LZTFL1: variants seen among roughly 807,000 people sequenced by gnomAD.
LZTFL1 encodes the protein leucine zipper transcription factor like 1, also known as leucine zipper transcription factor-like protein 1.
Under a neutral mutation model 45.9 loss-of-function variants are expected in LZTFL1, and 25 were observed. The observed-to-expected ratio is 0.54, with a 90% CI of 0.40 to 0.76. LZTFL1 has a LOEUF of 0.76. Ranked by LOEUF, LZTFL1 falls within the 30% of genes least tolerant of loss-of-function variation. The pLI is 0.00. For synonymous variants in LZTFL1, 93 were observed against 117.4 expected (o/e 0.79, Z 1.35); for missense variants, 277 against 331.1 (o/e 0.84, Z 1.27).
At chr3:45,850,370 TAC>T (rs1332603486) in intron 4 of LZTFL1, among the ~76,000 whole-genome samples, 1 of 152,200 alleles carries the variant, frequency 6.6e-6, no homozygotes, top group Non-Finnish European at 1.5e-5. Flanking sequence ...ACCAGCCAGA[TAC>T]ACAGTCTCCC....
intron 1 of LZTFL1, among the ~76,000 whole-genome samples, chr3:45,840,152 G>C (rs1184726683): frequency 6.6e-6 from 1 of 152,088 alleles, no homozygotes; most frequent in Non-Finnish European, 1.5e-5. Flanking sequence ...TTCAAGGAAA[G>C]TTAAGACTGT....
chr3:45,857,890 C>A (rs1156944955), intron 3 of LZTFL1, among the ~76,000 whole-genome samples: 2 of 152,122 alleles, frequency 1.3e-5, no homozygotes, highest in African/African-American at 4.8e-5. Flanking sequence ...GTCATTATCA[C>A]CCCAAGTCCA....
chr3:45,855,648 G>C (rs566482006), intron 3 of LZTFL1, among the ~76,000 whole-genome samples: 4 of 152,260 alleles, frequency 2.6e-5, no homozygotes, highest in Admixed American at 2.6e-4. Flanking sequence ...CCTATATCTA[G>C]AAAACCCCAC....
intron 1 of LZTFL1, among the ~76,000 whole-genome samples, chr3:45,841,147 G>A (rs544240418): frequency 1.3e-5 from 2 of 152,302 alleles, no homozygotes; most frequent in South Asian, 2.1e-4. Flanking sequence ...AAGAAGGGGA[G>A]GGAGCAATCT....
At chr3:45,897,489 C>T (rs190161521) in intron 2 of LZTFL1, 31 of 916,612 alleles carry the variant, frequency 3.4e-5, no homozygotes, top group Non-Finnish European at 4.6e-5. Flanking sequence ...GCCTGCTCAC[C>T]GGGCAGTGGA....
At chr3:45,877,044 T>C (rs1230955552) in intron 2 of LZTFL1, among the ~76,000 whole-genome samples, 1 of 151,936 alleles carries the variant, frequency 6.6e-6, no homozygotes, top group Non-Finnish European at 1.5e-5. Context: ...AGGGAAGGCT[T>C]CCTCAATGCA....
At position 45,900,756 on chromosome 3, in the gene LZTFL1, C is replaced by G; in HGVS notation, c.-215+12364G>C. The G allele has an allele frequency of 6.4e-7, 1 of 1,554,238 alleles. No individual in the cohort carries two copies. Among genetic ancestry groups the G allele is most frequent in the Non-Finnish European group, 8.7e-7 (1 of 1,149,126 alleles). Reference sequence around the variant, plus strand: ...AGAGGTCCATGCCTCTGCCATCAGACAGGACCTTCAAAATATTTTCCTTGA... The same window carrying G: ...AGAGGTCCATGCCTCTGCCATCAGAGAGGACCTTCAAAATATTTTCCTTGA... On this transcript the variant is annotated intron_variant, in intron 2 of 4. Coordinates refer to the LZTFL1 transcript ENST00000472635. The surrounding 1 kb of genome is among the most constrained non-coding windows in gnomAD (Gnocchi z 4.7).
In LZTFL1 at chr3:45,825,169, G is replaced by A. The variant is rs1189837458; in HGVS notation, c.*1145C>T. On this transcript the variant is annotated 3_prime_UTR_variant, in exon 10 of 10. Coordinates refer to ENST00000296135, the MANE Select transcript of LZTFL1 (RefSeq NM_020347.4). ...TCTTCATTTGTGGAAATGGAATGAT[G>A]TCTCTTAGTAGACAGTGTTCATTTA... The A allele has an allele frequency of 3.0e-6, 1 of 328,762 alleles. No individual in the cohort carries two copies. Among genetic ancestry groups the A allele is most frequent in the Admixed American group, 4.8e-5 (1 of 20,708 alleles). The allele number at this position is 328,762 out of a possible 1,614,324, so 20.4% of individuals were successfully genotyped here. A position where few individuals can be genotyped will look rare whatever the true frequency, so the allele number is the denominator to read the frequency against.
At position 45,901,671 on chromosome 3, in the gene LZTFL1, A is replaced by G; in HGVS notation, c.-215+11449T>C. On this transcript the variant is annotated intron_variant, in intron 2 of 4. Transcript: ENST00000472635. This position sits in a 1 kb window ranked among gnomAD's most constrained non-coding sequence, Gnocchi z 4.3. ...CTCCAACTGTGCCGTTTCCACCAACATTGACATCTGCTTCCAGGTCACCCA... is the reference window on the plus strand; with the variant it reads ...CTCCAACTGTGCCGTTTCCACCAACGTTGACATCTGCTTCCAGGTCACCCA... 6.2e-7 allele frequency: 1 copy of G among 1,613,972 alleles called. No homozygotes were observed. The highest frequency in any genetic ancestry group is 8.5e-7 in the Non-Finnish European group (1 of 1,179,822).
In LZTFL1 at chr3:45,878,747, A is replaced by C. The variant is rs1701797417; in HGVS notation, c.-214-19731T>G. On this transcript the variant is annotated intron_variant, in intron 2 of 4. Transcript: ENST00000472635. ...ACTCTTAAAACTCAACAATAAGAAA[A>C]TAAGCAACCCAATTAAAAAACAGGC... 5.3e-5 allele frequency among the ~76,000 whole-genome samples: 8 copies of C among 152,180 alleles called. No individual in the cohort carries two copies. The South Asian group carries it at 1.7e-3, about 32-fold the overall frequency.
rs58488529 is a variant in LZTFL1, at chr3:45,881,323, A to AT, written c.-214-22308dup. ...TGCATCACTATCTGCCAAAACCAAC[A>AT]TTTCCTCCCACACACTTGCTCAGTT... is the stretch of plus-strand genomic sequence containing the variant. On this transcript the variant is annotated intron_variant, in intron 2 of 4. Coordinates refer to the LZTFL1 transcript ENST00000472635. 1.1e-4 allele frequency among the ~76,000 whole-genome samples: 17 copies of AT among 152,148 alleles called. No individual in the cohort carries two copies. In the East Asian group the frequency reaches 3.3e-3, roughly 29 times the overall value.
intron 4 of LZTFL1, among the ~76,000 whole-genome samples, chr3:45,850,271 A>G (rs760436286): frequency 2.6e-5 from 4 of 152,218 alleles, no homozygotes; most frequent in Non-Finnish European, 5.9e-5. Context: ...TTATTTGTGA[A>G]GAGAGAATGG....
intron 2 of LZTFL1, among the ~76,000 whole-genome samples, chr3:45,894,729 T>C (rs1333924036): frequency 6.6e-6 from 1 of 152,244 alleles, no homozygotes; most frequent in African/African-American, 2.4e-5. Context: ...TTCATTTCTG[T>C]GTGGACTACT....
At chr3:45,895,147 G>T in intron 2 of LZTFL1, 1 of 628,688 alleles carries the variant, frequency 1.6e-6, no homozygotes, top group Non-Finnish European at 2.8e-6. Flanking sequence ...CAAAGAGGCA[G>T]CTATGCTTTG....
intron 2 of LZTFL1, among the ~76,000 whole-genome samples, chr3:45,909,870 A>G (rs1702758835): frequency 6.6e-6 from 1 of 152,232 alleles, no homozygotes; most frequent in Non-Finnish European, 1.5e-5. Context: ...GGAAGTTTCT[A>G]AGGACCACAG....
intron 4 of LZTFL1, chr3:45,854,542 G>C (rs566813553): frequency 6.8e-6 from 1 of 147,858 alleles, no homozygotes; most frequent in Admixed American, 6.8e-5. Flanking sequence ...TCTAGCCTGG[G>C]CAACAAGAGC....
At chr3:45,845,660 G>C (rs1701207129), upstream of LZTFL1, among the ~76,000 whole-genome samples, 1 of 152,136 alleles carries the variant, frequency 6.6e-6, no homozygotes, top group South Asian at 2.1e-4. Flanking sequence ...CAGAAATGTG[G>C]GTCTTCCTAG....
chr3:45,906,880 G>T (rs978268247), intron 2 of LZTFL1, among the ~76,000 whole-genome samples: 1 of 152,116 alleles, frequency 6.6e-6, no homozygotes, highest in Non-Finnish European at 1.5e-5. Context: ...CCATTCCCCT[G>T]CCTCTCCCAT....
chr3:45,905,900 C>A (rs910613252), intron 2 of LZTFL1, among the ~76,000 whole-genome samples: 3 of 152,308 alleles, frequency 2.0e-5, no homozygotes, highest in South Asian at 2.1e-4. Flanking sequence ...GTCCTCAGAA[C>A]AAAATCTGGC....
Sources: gnomAD v4.1 joint callset for allele counts (sites outside exome capture counted in the v4.1 genomes callset) on GRCh38, gnomAD v4.1.1 for gene constraint, Gnocchi (gnomAD v3.1) non-coding constraint, MANE v1.5 for transcripts, NCBI Gene and HGNC (gene_info 2026-07-23, HGNC 2026-07-21) for gene names.